The following CACNB4 variants were observed in gnomAD, a reference collection of about 807,000 sequenced individuals.
CACNB4 encodes voltage-dependent L-type calcium channel subunit beta-4.
A neutral mutation model predicts 71.2 loss-of-function variants in CACNB4; 32 were observed. The ratio of observed to expected loss-of-function variants is 0.45; its 90% CI spans 0.34 to 0.60. The LOEUF is 0.60. Ranked by LOEUF, CACNB4 falls within the 20% of genes least tolerant of loss-of-function variation. CACNB4 has a pLI of 0.01. For missense variants in CACNB4, 464 were observed against 647.9 expected, an observed-to-expected ratio of 0.72 and a Z score of 3.08; for synonymous variants, 231 against 236.9, an observed-to-expected ratio of 0.97 and a Z score of 0.23.
intron 2 of CACNB4, among the ~76,000 whole-genome samples, chr2:152,069,837 CTTTTTTTTTTTTT>C (rs70974819): frequency 3.0e-5 from 3 of 98,722 alleles, no homozygotes; most frequent in Admixed American, 2.4e-4. Flanking sequence ...CTTCATCAAT[CTTTTTTTTTTTTT>C]TTTTTTTTTG....
intron 2 of CACNB4, among the ~76,000 whole-genome samples, chr2:151,897,777 C>G (rs2099852450): frequency 6.6e-6 from 1 of 152,150 alleles, no homozygotes; most frequent in South Asian, 2.1e-4. Flanking sequence ...TTTCTGGGCT[C>G]AGTTTCCTTT....
chr2:152,091,779 C>A (rs13416727), intron 2 of CACNB4, among the ~76,000 whole-genome samples: 10,320 of 152,240 alleles, frequency 0.068, 847 homozygotes, highest in African/African-American at 0.19. Context: ...GGTCAGTGGG[C>A]TTCCAGAGAG....
intron 2 of CACNB4, among the ~76,000 whole-genome samples, chr2:152,026,956 G>A (rs1266205017): frequency 6.6e-6 from 1 of 151,566 alleles, no homozygotes; most frequent in Non-Finnish European, 1.5e-5. Context: ...ACCCAGGCTG[G>A]AGTGCAGTGG....
At chr2:152,082,499 C>T (rs1461853309) in intron 2 of CACNB4, among the ~76,000 whole-genome samples, 1 of 152,224 alleles carries the variant, frequency 6.6e-6, no homozygotes, top group Admixed American at 6.5e-5. Context: ...CTGCAGAACC[C>T]TCAGACCTGA....
chr2:151,926,304 G>T (rs923392859), intron 2 of CACNB4, among the ~76,000 whole-genome samples: 12 of 152,088 alleles, frequency 7.9e-5, no homozygotes, highest in African/African-American at 2.7e-4. Context: ...AAAGAAGAAT[G>T]ATCAGTTTTC....
At chr2:151,845,950 T>C (rs2099837450) in intron 12 of CACNB4, among the ~76,000 whole-genome samples, 1 of 151,490 alleles carries the variant, frequency 6.6e-6, no homozygotes, top group African/African-American at 2.4e-5. Flanking sequence ...TAACGAAGAG[T>C]GAAAAACATG....
At chr2:152,061,409 T>C (rs1183356641) in intron 2 of CACNB4, among the ~76,000 whole-genome samples, 2 of 152,196 alleles carry the variant, frequency 1.3e-5, no homozygotes, top group South Asian at 2.1e-4. Context: ...TGATTACTAA[T>C]TGAATATTTA....
chr2:152,055,447 T>C (rs1685673582), intron 2 of CACNB4, among the ~76,000 whole-genome samples: 1 of 152,250 alleles, frequency 6.6e-6, no homozygotes, highest in African/African-American at 2.4e-5. Flanking sequence ...ACAAGCTTTT[T>C]TCAGCTTGTA....
intron 5 of CACNB4, among the ~76,000 whole-genome samples, chr2:151,875,609 C>A (rs1355936385): frequency 1.6e-5 from 2 of 128,478 alleles, no homozygotes; most frequent in Non-Finnish European, 3.2e-5. Flanking sequence ...CGGGGCGGCT[C>A]GCCAGGCAGG....
Position 151,900,559 on chromosome 2 carries a change from T to G in CACNB4, c.148-17189A>C, listed in dbSNP as rs755669084. Among the ~76,000 whole-genome samples, 48 of 152,100 alleles carry G rather than the reference T, an allele frequency of 3.2e-4. 1 individual carries two copies. Among genetic ancestry groups the G allele is most frequent in the Admixed American group, 1.2e-3 (19 of 15,270 alleles). On this transcript the variant is annotated intron_variant, in intron 2 of 13. Coordinates refer to ENST00000539935, the MANE Select transcript of CACNB4 (RefSeq NM_000726.5). The stretch of plus-strand genomic sequence containing the variant: ...TGTTGAGGAGTAGCTGGAAATAAAA[T>G]TGTAGAGTAGAATAAATGCAGATCA...
rs929143821 is a variant in CACNB4 at position 152,002,460 on chromosome 2, G to C, written c.147+95870C>G. Among the ~76,000 whole-genome samples, 3 of 152,070 alleles carry C rather than the reference G, an allele frequency of 2.0e-5. No individual in the cohort carries two copies. The East Asian group carries it at 5.8e-4, about 29-fold the overall frequency. On this transcript the variant is annotated intron_variant, in intron 2 of 13. Transcript: ENST00000539935. The stretch of plus-strand genomic sequence containing the variant: ...ACTGTCGAGGTTATACAGCGACCAT[G>C]GCCTAAATAGCTGCAGTGGAAGATT...
At chr2:152,027,068 G>A (rs567131199) in intron 2 of CACNB4, among the ~76,000 whole-genome samples, 56 of 152,168 alleles carry the variant, frequency 3.7e-4, no homozygotes, top group African/African-American at 1.3e-3. Flanking sequence ...CACCATGCCC[G>A]GCTAATTTTC....
At chr2:151,862,775 T>G (rs2099842064) in intron 9 of CACNB4, among the ~76,000 whole-genome samples, 1 of 152,138 alleles carries the variant, frequency 6.6e-6, no homozygotes, top group Admixed American at 6.5e-5. Flanking sequence ...ACAGCTCAGG[T>G]CTAAACTAGC....
At chr2:152,064,558 T>C (rs549025706) in intron 2 of CACNB4, among the ~76,000 whole-genome samples, 1 of 152,080 alleles carries the variant, frequency 6.6e-6, no homozygotes, top group African/African-American at 2.4e-5. Context: ...TTTTTGTATT[T>C]TTTTAGTAGA....
chr2:151,983,276 C>T (rs1036522534), intron 2 of CACNB4, among the ~76,000 whole-genome samples: 2 of 152,174 alleles, frequency 1.3e-5, no homozygotes, highest in Non-Finnish European at 2.9e-5. Flanking sequence ...AAAATATCCG[C>T]CACCTTTTAG....
chr2:151,971,087 C>T (rs6755890), intron 2 of CACNB4: 83,639 of 172,148 alleles, frequency 0.49, 23,697 homozygotes, highest in Non-Finnish European at 0.64. Flanking sequence ...ATGTGAAACA[C>T]GGAGGTTACA....
intron 2 of CACNB4, among the ~76,000 whole-genome samples, chr2:151,950,226 C>T (rs1392829641): frequency 6.6e-6 from 1 of 152,020 alleles, no homozygotes; most frequent in African/African-American, 2.4e-5. Flanking sequence ...TGCCCCTACA[C>T]ATACAGAGCC....
chr2:152,005,811 C>A (rs1311234975), intron 2 of CACNB4, among the ~76,000 whole-genome samples: 1 of 152,146 alleles, frequency 6.6e-6, no homozygotes. Flanking sequence ...CCATTTCGGG[C>A]AAGTTACTTC....
intron 2 of CACNB4, among the ~76,000 whole-genome samples, chr2:151,994,415 G>A (rs116826288): frequency 0.04 from 6,015 of 151,990 alleles, 158 homozygotes; most frequent in Non-Finnish European, 0.058. Context: ...GCATGTTGCC[G>A]GGCTGGTCTC....
Sources: allele counts gnomAD v4.1 joint callset (sites outside exome capture counted in the v4.1 genomes callset), GRCh38; gene constraint gnomAD v4.1.1; transcripts MANE v1.5; gene names NCBI Gene and HGNC (gene_info 2026-07-23, HGNC 2026-07-21).